The following CSMD2 variants were observed in gnomAD, a reference collection of about 807,000 sequenced individuals.
CSMD2 encodes CUB and Sushi multiple domains 2, also known as CUB and sushi domain-containing protein 2.
In CSMD2, 130 loss-of-function variants were observed where a neutral mutation model predicts 398.5. The observed-to-expected ratio is 0.33, with a 90% CI of 0.28 to 0.38. CSMD2 has a LOEUF of 0.38. Ranked by LOEUF, CSMD2 falls within the 10% of genes least tolerant of loss-of-function variation. CSMD2 has a pLI of 1.00. For synonymous variants in CSMD2, 1,828 were observed against 1,908.5 expected (o/e 0.96, Z 1.10); for missense variants, 3,829 against 4,764.9 (o/e 0.80, Z 5.78).
intron 40 of CSMD2, 57 bp downstream of exon 40, chr1:33,614,447 T>C: frequency 1.9e-6 from 2 of 1,033,074 alleles, no homozygotes; most frequent in Non-Finnish European, 3.0e-6. Context: ...GACAGTAGTT[T>C]TAAGCTCAAG....
chr1:34,087,104 CATCCT>C (rs1657970669), intron 2 of CSMD2, among the ~76,000 whole-genome samples: 1 of 152,074 alleles, frequency 6.6e-6, no homozygotes, highest in Non-Finnish European at 1.5e-5. Flanking sequence ...ACAGCAAGAC[CATCCT>C]CCAAACGGTG....
chr1:33,903,684 A>T (rs1257237668), intron 5 of CSMD2, among the ~76,000 whole-genome samples: 1 of 152,114 alleles, frequency 6.6e-6, no homozygotes, highest in Non-Finnish European at 1.5e-5. Flanking sequence ...ATGGCAGGGG[A>T]GGGGAAGGGC....
intron 6 of CSMD2, among the ~76,000 whole-genome samples, chr1:33,843,785 T>C (rs1309770524): frequency 6.6e-6 from 1 of 152,122 alleles, no homozygotes; most frequent in Non-Finnish European, 1.5e-5. Context: ...GTCAAGCTAC[T>C]GATCCCCTGA....
At position 33,720,445 on chromosome 1, in the gene CSMD2, A is replaced by AG. The variant is rs538691300; in HGVS notation, c.3001+3751dup. On this transcript the variant is annotated intron_variant, in intron 19 of 70. Transcript: ENST00000373381. Reference sequence around the variant, plus strand: ...GGGTCAGGGAAGGCTCATTAGAGGAAGGGGATTCAGAAGGATGAAGGGCTG... The same window carrying AG: ...GGGTCAGGGAAGGCTCATTAGAGGAAGGGGGATTCAGAAGGATGAAGGGCTG... Among the ~76,000 whole-genome samples the AG allele has an allele frequency of 6.5e-4, 99 of 152,256 alleles. No individual in the cohort carries two copies. In the East Asian group the frequency reaches 9.7e-3, roughly 15 times the overall value.
intron 3 of CSMD2, among the ~76,000 whole-genome samples, chr1:33,990,201 G>A (rs1408206389): frequency 6.6e-6 from 1 of 152,150 alleles, no homozygotes; most frequent in Non-Finnish European, 1.5e-5. Flanking sequence ...GAACCTGGGA[G>A]GCGGATGTTG....
At chr1:33,755,154 A>G (rs1648810106) in intron 13 of CSMD2, among the ~76,000 whole-genome samples, 1 of 152,054 alleles carries the variant, frequency 6.6e-6, no homozygotes, top group Admixed American at 6.5e-5. Flanking sequence ...TTCTTGCTTC[A>G]GTGTATGAAT....
chr1:33,731,945 G>C (rs191558203), intron 15 of CSMD2, among the ~76,000 whole-genome samples: 2 of 152,244 alleles, frequency 1.3e-5, no homozygotes, highest in East Asian at 3.9e-4. Context: ...TGGGGGAATG[G>C]GTGGGGATAT....
chr1:34,087,907 C>A (rs1005912748), intron 2 of CSMD2, among the ~76,000 whole-genome samples: 1 of 152,170 alleles, frequency 6.6e-6, no homozygotes, highest in African/African-American at 2.4e-5. Context: ...CAGAACCCTG[C>A]TGAACCTCAA....
intron 12 of CSMD2, among the ~76,000 whole-genome samples, chr1:33,774,191 G>C (rs1278113589): frequency 6.6e-6 from 1 of 151,790 alleles, no homozygotes; most frequent in African/African-American, 2.4e-5. Context: ...CTTTGTGCAG[G>C]GGAGTCTGTG....
At chr1:34,115,089 C>T (rs1237806719) in intron 1 of CSMD2, among the ~76,000 whole-genome samples, 1 of 151,592 alleles carries the variant, frequency 6.6e-6, no homozygotes, top group African/African-American at 2.4e-5. Flanking sequence ...GTGAATAAAG[C>T]CTAAGGAACT....
intron 3 of CSMD2, among the ~76,000 whole-genome samples, chr1:34,007,752 T>C (rs1647105170): frequency 6.6e-6 from 1 of 152,184 alleles, no homozygotes; most frequent in South Asian, 2.1e-4. Flanking sequence ...AGCATAAATA[T>C]ATATATTTCG....
intron 15 of CSMD2, among the ~76,000 whole-genome samples, chr1:33,727,663 G>T (rs1646581629): frequency 6.6e-6 from 1 of 152,224 alleles, no homozygotes; most frequent in Admixed American, 6.5e-5. Context: ...GTGGAAGCAA[G>T]TGTCAAGAGG....
chr1:33,941,095 G>T (rs1165320078), intron 3 of CSMD2, among the ~76,000 whole-genome samples: 1 of 152,154 alleles, frequency 6.6e-6, no homozygotes, highest in Non-Finnish European at 1.5e-5. Flanking sequence ...TGAAGAGGGG[G>T]ATATTTACAT....
At chr1:33,879,742 T>G (rs977144066) in intron 5 of CSMD2, among the ~76,000 whole-genome samples, 5 of 152,212 alleles carry the variant, frequency 3.3e-5, no homozygotes, top group Admixed American at 6.5e-5. Context: ...ACTAACTGTA[T>G]GAACTTGGCA....
At chr1:34,051,912 A>T (rs1653214676) in intron 2 of CSMD2, among the ~76,000 whole-genome samples, 1 of 152,146 alleles carries the variant, frequency 6.6e-6, no homozygotes, top group Non-Finnish European at 1.5e-5. Context: ...TTAACATTTG[A>T]ATCAGTAGAC....
At chr1:33,585,553 G>A (rs907414705) in intron 46 of CSMD2, among the ~76,000 whole-genome samples, 3 of 152,186 alleles carry the variant, frequency 2.0e-5, no homozygotes, top group East Asian at 3.8e-4. Context: ...TCTTCTAAGA[G>A]GAAACTCGCT....
intron 3 of CSMD2, among the ~76,000 whole-genome samples, chr1:34,022,479 C>T (rs1304826390): frequency 6.6e-6 from 1 of 152,116 alleles, no homozygotes; most frequent in African/African-American, 2.4e-5. Flanking sequence ...GAAGCACACA[C>T]AAGAGTAGAG....
At chr1:34,150,081 T>G (rs1410610397) in intron 1 of CSMD2, among the ~76,000 whole-genome samples, 2 of 142,782 alleles carry the variant, frequency 1.4e-5, no homozygotes, top group African/African-American at 5.1e-5. Flanking sequence ...TCTTCTTTCT[T>G]TTTTTTTTGT....
At chr1:33,641,335 T>C (rs1643097519) in intron 29 of CSMD2, among the ~76,000 whole-genome samples, 1 of 152,214 alleles carries the variant, frequency 6.6e-6, no homozygotes, top group African/African-American at 2.4e-5. Context: ...TGAATGAATA[T>C]GTCTTGCATG....
Sources: allele counts gnomAD v4.1 joint callset (sites outside exome capture counted in the v4.1 genomes callset), GRCh38; gene constraint gnomAD v4.1.1; transcripts MANE v1.5; gene names NCBI Gene and HGNC (gene_info 2026-07-23, HGNC 2026-07-21).